AGBL1: variants seen among roughly 807,000 people sequenced by gnomAD.
AGBL1 encodes the protein cytosolic carboxypeptidase 4.
AGBL1 carries 130 observed loss-of-function variants against 118.9 expected under a neutral mutation model. The observed-to-expected ratio is 1.09, with a 90% CI of 0.95 to 1.26. The LOEUF is 1.26. Ranked by LOEUF, AGBL1 falls within the 50% of genes most tolerant of loss-of-function variation. The probability of loss-of-function intolerance (pLI) is 0.00; values close to 1 mark genes in which losing one functional copy is unlikely to be tolerated. For missense variants in AGBL1, 1,584 were observed against 1,298.1 expected, an observed-to-expected ratio of 1.22 and a Z score of -3.38; for synonymous variants, 555 against 478.9, an observed-to-expected ratio of 1.16 and a Z score of -2.08.
rs571158249 is a variant in AGBL1 at position 86,332,042 on chromosome 15, A to G, written c.2374+36634A>G. 8.5e-5 allele frequency among the ~76,000 whole-genome samples: 13 copies of G among 152,306 alleles called. No individual in the cohort carries two copies. In the East Asian group the frequency reaches 2.3e-3, roughly 27 times the overall value. Reference sequence around the variant, plus strand: ...TTTCAAGAGACTCATCTCACACATAATGACATCCATAGCCTCAAAGTAAAG... The same window carrying G: ...TTTCAAGAGACTCATCTCACACATAGTGACATCCATAGCCTCAAAGTAAAG... On this transcript the variant is annotated intron_variant, in intron 17 of 22. Transcript: ENST00000614907.
intron 21 of AGBL1, among the ~76,000 whole-genome samples, chr15:86,642,054 G>A (rs566472315): frequency 6.6e-6 from 1 of 152,232 alleles, no homozygotes; most frequent in African/African-American, 2.4e-5. Flanking sequence ...ATACTTATAA[G>A]CACATTTGAT....
intron 17 of AGBL1, among the ~76,000 whole-genome samples, chr15:86,335,143 T>TA (rs969001812): frequency 2.8e-5 from 2 of 71,684 alleles, no homozygotes; most frequent in Non-Finnish European, 5.3e-5. Flanking sequence ...ATTAAGTTAT[T>TA]TTTTTTTTTT....
At chr15:86,358,229 G>A (rs963168068) in intron 17 of AGBL1, among the ~76,000 whole-genome samples, 1 of 151,872 alleles carries the variant, frequency 6.6e-6, no homozygotes. Context: ...GTTACTTTTG[G>A]TTTTTATGAG....
chr15:86,140,053 G>A (rs62012442), intron 1 of AGBL1: 14,227 of 187,934 alleles, frequency 0.076, 710 homozygotes, highest in South Asian at 0.13. Flanking sequence ...GGGTGACAGC[G>A]CCCCTGGTGG....
intron 22 of AGBL1, among the ~76,000 whole-genome samples, chr15:86,807,724 A>G (rs965554695): frequency 6.6e-5 from 10 of 152,112 alleles, no homozygotes; most frequent in Admixed American, 3.3e-4. Flanking sequence ...CTTGGAAGTG[A>G]ATCCTCACTC....
chr15:86,108,056 AG>A (rs1275577470), intron 1 of AGBL1, among the ~76,000 whole-genome samples: 9 of 152,232 alleles, frequency 5.9e-5, no homozygotes, highest in Admixed American at 5.9e-4. Context: ...TACCATAATC[AG>A]GGCTGCCTTA....
At chr15:86,659,937 T>G (rs1411082406) in intron 21 of AGBL1, among the ~76,000 whole-genome samples, 2 of 152,050 alleles carry the variant, frequency 1.3e-5, no homozygotes, top group African/African-American at 2.4e-5. Flanking sequence ...GTTCCTGTAT[T>G]TATTACTATT....
intron 17 of AGBL1, among the ~76,000 whole-genome samples, chr15:86,387,506 C>T (rs2081214997): frequency 6.6e-6 from 1 of 151,440 alleles, no homozygotes; most frequent in Non-Finnish European, 1.5e-5. Flanking sequence ...TGTAGTAACG[C>T]AGTGAAGAAG....
intron 18 of AGBL1, among the ~76,000 whole-genome samples, chr15:86,491,660 G>A (rs570241757): frequency 3.3e-5 from 5 of 152,152 alleles, no homozygotes; most frequent in Middle Eastern, 6.8e-3. Context: ...ATCATTAGGG[G>A]TAGAGAGGTT....
chr15:86,211,209 C>T (rs2078091523), intron 5 of AGBL1, among the ~76,000 whole-genome samples: 3 of 152,168 alleles, frequency 2.0e-5, no homozygotes, highest in South Asian at 4.1e-4. Flanking sequence ...CCTCTGGAAA[C>T]TTTGTCCCAT....
At chr15:86,880,646 T>C (rs1245417480) in intron 22 of AGBL1, among the ~76,000 whole-genome samples, 1 of 152,148 alleles carries the variant, frequency 6.6e-6, no homozygotes, top group Admixed American at 6.5e-5. Context: ...TGCATGTGTG[T>C]ATGCATGTGT....
At chr15:86,970,831 C>T (rs1433308050) in intron 23 of AGBL1, among the ~76,000 whole-genome samples, 1 of 151,916 alleles carries the variant, frequency 6.6e-6, no homozygotes, top group Non-Finnish European at 1.5e-5. Flanking sequence ...ATGGGTCCTC[C>T]ATCTACAGAT....
chr15:86,248,509 C>G (rs919967484), intron 7 of AGBL1, among the ~76,000 whole-genome samples: 1 of 152,148 alleles, frequency 6.6e-6, no homozygotes, highest in Admixed American at 6.5e-5. Context: ...GAAGAAGTCA[C>G]TCAACTTCTC....
intron 21 of AGBL1, among the ~76,000 whole-genome samples, chr15:86,564,061 G>A (rs200347538): frequency 7.2e-5 from 11 of 152,042 alleles, no homozygotes; most frequent in African/African-American, 1.9e-4. Flanking sequence ...TACAGCACAC[G>A]GATGGGTCTT....
chr15:86,140,906 T>G (rs931396616), intron 1 of AGBL1, among the ~76,000 whole-genome samples: 2 of 152,170 alleles, frequency 1.3e-5, no homozygotes, highest in African/African-American at 2.4e-5. Flanking sequence ...AAGGACAAGA[T>G]CATAAAGAGC....
At chr15:86,475,724 T>C (rs180902569) in intron 18 of AGBL1, among the ~76,000 whole-genome samples, 3 of 152,192 alleles carry the variant, frequency 2.0e-5, no homozygotes. Context: ...ATACAGAGAA[T>C]GCCACAAAGA....
chr15:86,658,544 A>G (rs867261468), intron 21 of AGBL1, among the ~76,000 whole-genome samples: 1 of 152,114 alleles, frequency 6.6e-6, no homozygotes, highest in Non-Finnish European at 1.5e-5. Flanking sequence ...TATCTAGCAA[A>G]ATGAAAATAT....
intron 23 of AGBL1, chr15:86,932,870 G>A (rs2080622446): frequency 6.6e-6 from 1 of 152,018 alleles, no homozygotes; most frequent in African/African-American, 2.4e-5. Context: ...TTAAGTGCTT[G>A]AAAAAAATGT....
intron 5 of AGBL1, among the ~76,000 whole-genome samples, chr15:86,223,156 C>T (rs1355162839): frequency 6.6e-6 from 1 of 152,122 alleles, no homozygotes. Flanking sequence ...CTATTTGCCA[C>T]CTGTCCCTCC....
Sources: allele counts gnomAD v4.1 joint callset (sites outside exome capture counted in the v4.1 genomes callset), GRCh38; gene constraint gnomAD v4.1.1; transcripts MANE v1.5; gene names NCBI Gene and HGNC (gene_info 2026-07-23, HGNC 2026-07-21).